Variants in MYCBP2 observed in about 807,000 individuals in gnomAD.
MYCBP2 encodes the protein E3 ubiquitin-protein ligase MYCBP2.
A neutral mutation model predicts 525.3 loss-of-function variants in MYCBP2; 120 were observed. The observed-to-expected ratio is 0.23, with a 90% CI of 0.20 to 0.27. The LOEUF (loss-of-function observed/expected upper bound fraction) is 0.27. Ranked by LOEUF, MYCBP2 falls within the 10% of genes least tolerant of loss-of-function variation. The probability of loss-of-function intolerance (pLI) is 1.00; values close to 1 mark genes in which losing one functional copy is unlikely to be tolerated. For synonymous variants in MYCBP2, 1,894 were observed against 1,955.8 expected (o/e 0.97, Z 0.83); for missense variants, 4,149 against 5,657.1 (o/e 0.73, Z 8.55).
chr13:77,307,971 T>C (rs1349638182), intron 1 of MYCBP2, among the ~76,000 whole-genome samples: 22 of 152,216 alleles, frequency 1.4e-4, no homozygotes. Flanking sequence ...TCACTTCTAA[T>C]GTGAGCTATC....
At chr13:77,111,477 C>T (rs146339860) in intron 55 of MYCBP2, among the ~76,000 whole-genome samples, 16 of 147,908 alleles carry the variant, frequency 1.1e-4, no homozygotes, top group East Asian at 3.9e-4. Context: ...TTGCTCTTTT[C>T]GCCCAGGCTG....
intron 40 of MYCBP2, 80 bp from the exon 41 acceptor site, chr13:77,166,634 G>T: frequency 1.2e-6 from 1 of 863,622 alleles, no homozygotes; most frequent in Non-Finnish European, 1.7e-6. Flanking sequence ...ATGTGTGTGT[G>T]TGTCTATGCT....
intron 1 of MYCBP2, among the ~76,000 whole-genome samples, chr13:77,315,255 T>C (rs1022106460): frequency 2.0e-5 from 3 of 152,284 alleles, no homozygotes; most frequent in East Asian, 1.9e-4. Flanking sequence ...ATTTTAAAAA[T>C]TGGGTAGGAC....
intron 1 of MYCBP2, among the ~76,000 whole-genome samples, chr13:77,298,396 T>C (rs940599922): frequency 6.6e-5 from 10 of 152,222 alleles, no homozygotes; most frequent in Non-Finnish European, 1.2e-4. Flanking sequence ...ACTGTAATTA[T>C]GTATGGAACT....
chr13:77,113,687 G>C (rs115683128), intron 55 of MYCBP2, among the ~76,000 whole-genome samples: 1 of 152,106 alleles, frequency 6.6e-6, no homozygotes, highest in African/African-American at 2.4e-5. Flanking sequence ...TGAAGTAAAG[G>C]GTGGATGAAT....
intron 73 of MYCBP2, among the ~76,000 whole-genome samples, 184 bp downstream of exon 73, chr13:77,064,431 C>T (rs2039867114): frequency 6.6e-6 from 1 of 152,206 alleles, no homozygotes; most frequent in Admixed American, 6.5e-5. Flanking sequence ...GAACACATAA[C>T]AGTGAGAAGT....
chr13:77,275,755 G>A (rs1216387844), intron 4 of MYCBP2, among the ~76,000 whole-genome samples: 3 of 152,160 alleles, frequency 2.0e-5, no homozygotes, highest in Non-Finnish European at 4.4e-5. Flanking sequence ...AGGCTGAGGT[G>A]GGCAAATCAC....
In MYCBP2 at chr13:77,097,735, G is replaced by A; in HGVS notation, c.9419C>T (p.Thr3140Ile). Reference sequence around the variant, plus strand: ...GTTATGCATGGACATTTCAAAAGTGGTCTCGGTTTTCCCATCCTCACATTT... The same window carrying A: ...GTTATGCATGGACATTTCAAAAGTGATCTCGGTTTTCCCATCCTCACATTT... ...HEKCEDGKTE[T>I]TFEMSMHNTM... Residue 3140 changes from threonine to isoleucine, a missense_variant, in exon 56 of 83, where the codon ACC becomes ATC. This residue lies in a region of MYCBP2 where 653 missense variants were observed against 744.7 expected (regional missense o/e 0.88). Coordinates refer to ENST00000544440, the MANE Select transcript of MYCBP2 (RefSeq NM_015057.5). 6.2e-7 allele frequency: 1 copy of A among 1,613,618 alleles called. No homozygotes were observed. Among genetic ancestry groups the A allele is most frequent in the South Asian group, 1.1e-5 (1 of 91,036 alleles).
intron 30 of MYCBP2, among the ~76,000 whole-genome samples, chr13:77,187,219 A>C (rs1292390739): frequency 6.6e-6 from 1 of 152,264 alleles, no homozygotes; most frequent in African/African-American, 2.4e-5. Flanking sequence ...GTTACCAAGC[A>C]CAGAAAAGTG....
At chr13:77,146,354 A>G (rs2055551862) in intron 47 of MYCBP2, 137 bp from the exon 48 acceptor site, 1 of 418,908 alleles carries the variant, frequency 2.4e-6, no homozygotes, top group Non-Finnish European at 4.1e-6. Context: ...AAAATTACCT[A>G]CTTTAGACCA....
intron 34 of MYCBP2, among the ~76,000 whole-genome samples, chr13:77,179,698 G>T (rs1486167653): frequency 6.6e-6 from 1 of 152,182 alleles, no homozygotes; most frequent in Non-Finnish European, 1.5e-5. Context: ...CCAATTTTAA[G>T]TATGTATTTC....
chr13:77,084,668 C>T (rs1450090782), intron 62 of MYCBP2, among the ~76,000 whole-genome samples: 12 of 152,064 alleles, frequency 7.9e-5, no homozygotes, highest in Non-Finnish European at 2.9e-5. Flanking sequence ...TCATCACGCT[C>T]ACCCCACCTC....
intron 80 of MYCBP2, 38 bp downstream of exon 80, chr13:77,055,520 C>T: frequency 6.5e-7 from 1 of 1,537,030 alleles, no homozygotes. Flanking sequence ...TAGGTAAGCT[C>T]TAGTTTTTAA....
intron 34 of MYCBP2, among the ~76,000 whole-genome samples, chr13:77,179,836 G>A (rs1176189641): frequency 6.6e-6 from 1 of 152,144 alleles, no homozygotes; most frequent in African/African-American, 2.4e-5. Flanking sequence ...AACTATCTTT[G>A]CTTTTCACGG....
At position 77,217,828 on chromosome 13, in the gene MYCBP2, A is replaced by C. The variant is rs190681284; in HGVS notation, c.3057+12T>G. ...ATAATGCAATATTATTAATGTTTTA[A>C]AAATTCCTTACAGAAAAACTTCCAA... On this transcript the variant is annotated intron_variant, in intron 21 of 82. Transcript: ENST00000544440. The C allele has an allele frequency of 1.3e-6, 2 of 1,557,138 alleles. No homozygotes were observed. Among genetic ancestry groups the C allele is most frequent in the Admixed American group, 3.5e-5 (2 of 56,368 alleles).
At chr13:77,239,623 T>C (rs1228741206) in intron 17 of MYCBP2, among the ~76,000 whole-genome samples, 3 of 152,204 alleles carry the variant, frequency 2.0e-5, no homozygotes, top group Non-Finnish European at 4.4e-5. Context: ...CAGAATCACC[T>C]GGAACGCTAT....
intron 8 of MYCBP2, among the ~76,000 whole-genome samples, chr13:77,266,222 T>G (rs1401681436): frequency 6.6e-6 from 1 of 152,156 alleles, no homozygotes; most frequent in Non-Finnish European, 1.5e-5. Context: ...ATGGGATGTG[T>G]CAATTTAGAA....
At chr13:77,288,058 A>C (rs966567493) in intron 3 of MYCBP2, 103 bp downstream of exon 3, 4 of 1,193,296 alleles carry the variant, frequency 3.4e-6, no homozygotes, top group Non-Finnish European at 4.7e-6. Context: ...TTTAGTGTGC[A>C]ATTTTACATA....
At chr13:77,182,813 G>T (rs1282038927) in intron 32 of MYCBP2, among the ~76,000 whole-genome samples, 1 of 152,220 alleles carries the variant, frequency 6.6e-6, no homozygotes, top group Non-Finnish European at 1.5e-5. Context: ...TATAAGTGGT[G>T]AGTGTAGATA....
Sources: gnomAD v4.1 joint callset for allele counts (sites outside exome capture counted in the v4.1 genomes callset) on GRCh38, gnomAD v4.1.1 for gene constraint, gnomAD v4.1.1 regional missense constraint, MANE v1.5 for transcripts, NCBI Gene and HGNC (gene_info 2026-07-23, HGNC 2026-07-21) for gene names.